CACNA1C: variants seen among roughly 807,000 people sequenced by gnomAD.
CACNA1C encodes voltage-dependent L-type calcium channel subunit alpha-1C.
CACNA1C carries 30 observed loss-of-function variants against 229.0 expected under a neutral mutation model. The observed-to-expected ratio is 0.13, with a 90% confidence interval of 0.10 to 0.18. The LOEUF is 0.18. Ranked by LOEUF, CACNA1C falls within the 10% of genes least tolerant of loss-of-function variation. The pLI, the probability that CACNA1C is intolerant of heterozygous loss-of-function variation, is 1.00. For synonymous variants in CACNA1C, 1,114 were observed against 1,132.5 expected (o/e 0.98, Z 0.33); for missense variants, 1,658 against 2,845.0 (o/e 0.58, Z 9.49).
chr12:2,086,078 C>A lies in CACNA1C; in HGVS notation c.50-29146C>A, dbSNP rs574929915. The stretch of plus-strand genomic sequence containing the variant: ...TGGGCATCCCTTTTCAGCACCACTG[C>A]AGCACTCTAAGTGTACCCATTGGAA... On this transcript the variant is annotated intron_variant, in intron 1 of 46. Transcript: ENST00000399655. 1.3e-4 allele frequency among the ~76,000 whole-genome samples: 20 copies of A among 152,314 alleles called. No individual in the cohort carries two copies. The South Asian group carries it at 4.1e-3, about 32-fold the overall frequency.
chr12:2,681,130 C>T (rs1169575684), intron 42 of CACNA1C, among the ~76,000 whole-genome samples: 1 of 152,140 alleles, frequency 6.6e-6, no homozygotes, highest in Non-Finnish European at 1.5e-5. Flanking sequence ...GCTCCACGTC[C>T]GTCTTTAGCA....
At chr12:2,210,581 G>T (rs1410714848) in intron 3 of CACNA1C, among the ~76,000 whole-genome samples, 1 of 152,186 alleles carries the variant, frequency 6.6e-6, no homozygotes, top group Admixed American at 6.5e-5. Context: ...AGTTCACGTG[G>T]TGCTTGTGCT....
chr12:2,480,156 C>G (rs574078680), intron 5 of CACNA1C, among the ~76,000 whole-genome samples: 1 of 152,308 alleles, frequency 6.6e-6, no homozygotes. Context: ...AAACCTCTTT[C>G]CAGGGATTTC....
intron 3 of CACNA1C, among the ~76,000 whole-genome samples, chr12:2,321,608 CAACT>C (rs1390283314): frequency 6.6e-6 from 1 of 152,064 alleles, no homozygotes; most frequent in African/African-American, 2.4e-5. Context: ...GGAGAACAAA[CAACT>C]AAGCAGGTAA....
intron 5 of CACNA1C, among the ~76,000 whole-genome samples, chr12:2,465,043 A>G (rs560933048): frequency 5.9e-5 from 9 of 152,304 alleles, no homozygotes; most frequent in African/African-American, 1.7e-4. Flanking sequence ...GTTTCCTCCT[A>G]TGTAAAATGG....
At chr12:2,209,229 A>T (rs1000544307) in intron 3 of CACNA1C, among the ~76,000 whole-genome samples, 1 of 152,240 alleles carries the variant, frequency 6.6e-6, no homozygotes, top group South Asian at 2.1e-4. Context: ...TGTTTTTATA[A>T]AAACAATAAT....
In CACNA1C at chr12:2,566,348, G is replaced by A. The variant is rs867506506; in HGVS notation, c.1509-74G>A. The stretch of plus-strand genomic sequence containing the variant: ...ATCAGTGAGGGGCGAGAAGAGCCAT[G>A]GTGCTGCATCTTGGGTTGGAGGAAA... On this transcript the variant is annotated intron_variant, in intron 11 of 46. Transcript: ENST00000399655. This position sits in a 1 kb window ranked among gnomAD's most constrained non-coding sequence, Gnocchi z 4.0. The A allele has an allele frequency of 5.2e-6, 7 of 1,339,436 alleles. No individual in the cohort carries two copies. The highest frequency in any genetic ancestry group is 7.2e-6 in the Non-Finnish European group (7 of 977,230). 83.0% of individuals were successfully genotyped at this position (1,339,436 alleles called of 1,614,324 possible).
chr12:2,064,650 A>T (rs192837916), intron 1 of CACNA1C, among the ~76,000 whole-genome samples: 1 of 152,252 alleles, frequency 6.6e-6, no homozygotes, highest in East Asian at 1.9e-4. Flanking sequence ...TTGGGAAAGG[A>T]GGAAGGGGAG....
At chr12:1,976,785 T>C (rs1175275012) in intron 1 of CACNA1C, among the ~76,000 whole-genome samples, 1 of 139,144 alleles carries the variant, frequency 7.2e-6, no homozygotes, top group Non-Finnish European at 1.5e-5. Flanking sequence ...GTGCAAAGCA[T>C]AGACCCTCTA....
At position 2,677,263 on chromosome 12, in the gene CACNA1C, G is replaced by A. The variant is rs749132187; in HGVS notation, c.4956+42G>A. 8 of 1,603,274 alleles carry A rather than the reference G, an allele frequency of 5.0e-6. No homozygotes were observed. The South Asian group carries it at 7.8e-5, about 16-fold the overall frequency. On this transcript the variant is annotated intron_variant, in intron 40 of 46. Transcript: ENST00000399655. This position sits in a 1 kb window ranked among gnomAD's most constrained non-coding sequence, Gnocchi z 7.4. ...GGGCCCACACTCCAGGAAGGTCCTGGTCATTGCCTCTGACCTCCAGTCAGG... is the reference window on the plus strand; with the variant it reads ...GGGCCCACACTCCAGGAAGGTCCTGATCATTGCCTCTGACCTCCAGTCAGG...
intron 3 of CACNA1C, among the ~76,000 whole-genome samples, chr12:2,331,799 A>G (rs2096557117): frequency 6.7e-6 from 1 of 149,504 alleles, no homozygotes. Context: ...AAATTGAGGG[A>G]CATGCTACAA....
intron 9 of CACNA1C, among the ~76,000 whole-genome samples, chr12:2,523,004 C>T (rs1247925783): frequency 1.3e-5 from 2 of 152,094 alleles, no homozygotes; most frequent in African/African-American, 4.8e-5. Context: ...CTCTTCCAAC[C>T]AGGGGAACCA....
At chr12:2,452,237 C>T (rs940658961) in intron 4 of CACNA1C, among the ~76,000 whole-genome samples, 1 of 152,000 alleles carries the variant, frequency 6.6e-6, no homozygotes, top group African/African-American at 2.4e-5. Flanking sequence ...GCACAAGACA[C>T]GTGGCATTTC....
chr12:2,068,482 C>T (rs1037248615), intron 1 of CACNA1C, among the ~76,000 whole-genome samples: 3 of 152,224 alleles, frequency 2.0e-5, no homozygotes, highest in African/African-American at 7.2e-5. Flanking sequence ...GCCAGAGCCC[C>T]TGCATCCATT....
intron 3 of CACNA1C, among the ~76,000 whole-genome samples, chr12:2,333,595 G>T (rs761567046): frequency 2.0e-5 from 3 of 152,204 alleles, no homozygotes; most frequent in Non-Finnish European, 2.9e-5. Context: ...AGTGGATGCA[G>T]CCTTGTTAGG....
chr12:2,040,306 C>A (rs1251447669), intron 1 of CACNA1C, among the ~76,000 whole-genome samples: 1 of 152,178 alleles, frequency 6.6e-6, no homozygotes, highest in Non-Finnish European at 1.5e-5. Flanking sequence ...CTGCTCTCTG[C>A]AGAACATCCA....
At chr12:2,545,212 A>ATT (rs56971243) in intron 9 of CACNA1C, among the ~76,000 whole-genome samples, 71,972 of 131,354 alleles carry the variant, frequency 0.55, 21,835 homozygotes, top group East Asian at 0.71. Flanking sequence ...CAAAACAATG[A>ATT]TTTTTTTTTT....
intron 27 of CACNA1C, among the ~76,000 whole-genome samples, chr12:2,609,226 C>T (rs749538835): frequency 2.0e-5 from 3 of 152,116 alleles, no homozygotes; most frequent in Non-Finnish European, 4.4e-5. Context: ...GTGACAGGTT[C>T]TGTTAGCCGT....
chr12:2,022,499 CG>C (rs1649267113), intron 1 of CACNA1C, among the ~76,000 whole-genome samples: 1 of 149,476 alleles, frequency 6.7e-6, no homozygotes, highest in African/African-American at 2.5e-5. Context: ...GTCTCACCCT[CG>C]GGGGAGTGCA....
Sources: allele counts gnomAD v4.1 joint callset (sites outside exome capture counted in the v4.1 genomes callset), GRCh38; gene constraint gnomAD v4.1.1; non-coding constraint Gnocchi (gnomAD v3.1); transcripts MANE v1.5; gene names NCBI Gene and HGNC (gene_info 2026-07-23, HGNC 2026-07-21).